Variants in PMS1 observed in about 807,000 individuals in gnomAD.
The protein encoded by PMS1 is PMS1 protein homolog 1.
Under a neutral mutation model 93.1 loss-of-function variants are expected in PMS1, and 79 were observed. That is an observed-to-expected ratio of 0.85 (90% CI 0.71 to 1.02). The LOEUF (loss-of-function observed/expected upper bound fraction) is 1.02. PMS1 is among the 50% of genes least tolerant of loss of function. PMS1 has a pLI of 0.00. For synonymous variants in PMS1, 335 were observed against 363.4 expected (o/e 0.92, Z 0.89); for missense variants, 1,064 against 1,085.3 (o/e 0.98, Z 0.28).
intron 3 of PMS1, among the ~76,000 whole-genome samples, chr2:189,804,637 A>C (rs773163926): frequency 6.6e-6 from 1 of 152,164 alleles, no homozygotes; most frequent in Non-Finnish European, 1.5e-5. Flanking sequence ...TAGGCCCTAC[A>C]GTAAATCTGC....
chr2:189,863,450 C>T (rs549624986), intron 9 of PMS1, among the ~76,000 whole-genome samples: 4 of 152,142 alleles, frequency 2.6e-5, no homozygotes, highest in South Asian at 2.1e-4. Flanking sequence ...GACAGTGTTT[C>T]GCCATTTTGG....
chr2:189,786,680 G>T (rs1210018103), intron 1 of PMS1, among the ~76,000 whole-genome samples: 2 of 152,160 alleles, frequency 1.3e-5, no homozygotes, highest in Admixed American at 1.3e-4. Flanking sequence ...GAGTTGTTGT[G>T]AGGATTAAAT....
At chr2:189,862,854 C>T (rs1032579077) in intron 9 of PMS1, among the ~76,000 whole-genome samples, 2 of 152,204 alleles carry the variant, frequency 1.3e-5, no homozygotes, top group Non-Finnish European at 2.9e-5. Context: ...TGTTTCCCTG[C>T]AATGGGCAGC....
intron 5 of PMS1, among the ~76,000 whole-genome samples, chr2:189,832,815 T>C (rs567552015): frequency 5.9e-5 from 9 of 152,340 alleles, no homozygotes; most frequent in African/African-American, 2.2e-4. Context: ...TTAGTGCTGT[T>C]TGAAAGGTAG....
intron 9 of PMS1, chr2:189,857,566 C>T (rs1427661347): frequency 2.5e-6 from 1 of 407,690 alleles, no homozygotes; most frequent in Non-Finnish European, 5.0e-6. Flanking sequence ...TCCTTTTCTT[C>T]CTTCTTCTTT....
At position 189,854,515 on chromosome 2, in the gene PMS1, G is replaced by T. The variant is rs1410708956; in HGVS notation, c.1243G>T (p.Asp415Tyr). 1 of 1,613,698 alleles carries T rather than the reference G, an allele frequency of 6.2e-7. No individual in the cohort carries two copies. The highest frequency in any genetic ancestry group is 1.1e-5 in the South Asian group (1 of 91,042). The part of the protein sequence containing the change: ...DCLNHQISIG[D>Y]FGYGHCSSEI... ...TTTAAATCACCAGATAAGTATTGGT[G>T]ACTTTGGTTATGGTCATTGTAGTAG... Residue 415 changes from aspartate to tyrosine, a missense_variant, in exon 9 of 13, where the codon GAC becomes TAC. Coordinates refer to ENST00000441310, the MANE Select transcript of PMS1 (RefSeq NM_000534.5).
intron 5 of PMS1, among the ~76,000 whole-genome samples, chr2:189,833,635 A>G (rs2053146067): frequency 6.6e-6 from 1 of 152,188 alleles, no homozygotes; most frequent in Non-Finnish European, 1.5e-5. Context: ...TTTCATATAT[A>G]CCAACTGATA....
intron 6 of PMS1, among the ~76,000 whole-genome samples, chr2:189,845,320 A>T (rs938357505): frequency 6.6e-6 from 1 of 152,110 alleles, no homozygotes; most frequent in Non-Finnish European, 1.5e-5. Context: ...TGTATCTCTT[A>T]TGCCATGCAA....
At chr2:189,839,097 T>A (rs1285644325) in intron 5 of PMS1, among the ~76,000 whole-genome samples, 2 of 152,106 alleles carry the variant, frequency 1.3e-5, no homozygotes, top group Non-Finnish European at 2.9e-5. Context: ...GTTCAAGTGA[T>A]TCTCATGCCT....
At chr2:189,839,959 A>G (rs1365237762) in intron 5 of PMS1, among the ~76,000 whole-genome samples, 2 of 152,220 alleles carry the variant, frequency 1.3e-5, no homozygotes, top group African/African-American at 4.8e-5. Context: ...TCCTGGAGCA[A>G]TTCCAAATTT....
At chr2:189,819,720 G>T (rs1406607740) in intron 5 of PMS1, among the ~76,000 whole-genome samples, 3 of 152,056 alleles carry the variant, frequency 2.0e-5, no homozygotes, top group Non-Finnish European at 2.9e-5. Context: ...TTTTTAATGG[G>T]ATTATTTGTT....
chr2:189,860,361 C>T (rs2055828784), intron 9 of PMS1, among the ~76,000 whole-genome samples: 1 of 151,692 alleles, frequency 6.6e-6, no homozygotes, highest in Admixed American at 6.6e-5. Flanking sequence ...TTAGGCTCAA[C>T]AAAGATATTT....
At chr2:189,801,426 G>T (rs2049878220) in intron 3 of PMS1, among the ~76,000 whole-genome samples, 2 of 152,104 alleles carry the variant, frequency 1.3e-5, no homozygotes, top group Admixed American at 1.3e-4. Flanking sequence ...ATCCTGTCTT[G>T]ACCGTCTCAT....
At chr2:189,814,141 AGCCAAAGAATAGTAGC>A (rs5743034) in intron 4 of PMS1, among the ~76,000 whole-genome samples, 10,362 of 152,104 alleles carry the variant, frequency 0.068, 700 homozygotes, top group African/African-American at 0.17. Context: ...TACTTTCCTA[AGCCAAAGAATAGTAGC>A]GCCAAAGAAT....
At chr2:189,843,363 A>G (rs1307776652) in intron 5 of PMS1, among the ~76,000 whole-genome samples, 1 of 152,328 alleles carries the variant, frequency 6.6e-6, no homozygotes, top group East Asian at 1.9e-4. Context: ...GAAAAAATCC[A>G]GCCTCATTAT....
At chr2:189,863,698 T>A in intron 9 of PMS1, 45 bp from the exon 10 acceptor site, 3 of 1,409,362 alleles carry the variant, frequency 2.1e-6, no homozygotes, top group Non-Finnish European at 3.0e-6. Context: ...GGTTAATATA[T>A]TTCTGATTAT....
At chr2:189,875,537 A>G (rs552317029) in intron 12 of PMS1, among the ~76,000 whole-genome samples, 1 of 152,292 alleles carries the variant, frequency 6.6e-6, no homozygotes. Context: ...GACATTTGCC[A>G]GTAGTTAAAG....
intron 10 of PMS1, 122 bp from the exon 11 acceptor site, chr2:189,867,677 A>G (rs1050069410): frequency 4.3e-6 from 3 of 692,700 alleles, no homozygotes; most frequent in African/African-American, 3.6e-5. Context: ...AGGGCTACTT[A>G]TACCTTTGTA....
At chr2:189,870,776 TAAAAG>T (rs1451165289) in intron 11 of PMS1, among the ~76,000 whole-genome samples, 2 of 152,238 alleles carry the variant, frequency 1.3e-5, no homozygotes, top group East Asian at 1.9e-4. Flanking sequence ...TATAAATAGT[TAAAAG>T]AGATGTGAAC....
Sources: gnomAD v4.1 joint callset for allele counts (sites outside exome capture counted in the v4.1 genomes callset) on GRCh38, gnomAD v4.1.1 for gene constraint, MANE v1.5 for transcripts, NCBI Gene and HGNC (gene_info 2026-07-23, HGNC 2026-07-21) for gene names.